Variants in ACADSB observed in about 807,000 individuals in gnomAD.
ACADSB encodes acyl-CoA dehydrogenase short/branched chain.
A neutral mutation model predicts 54.1 loss-of-function variants in ACADSB; 40 were observed. The observed-to-expected ratio is 0.74, with a 90% confidence interval of 0.57 to 0.96. ACADSB has a LOEUF of 0.96. Among genes scored for constraint, ACADSB ranks in the 40% least tolerant of loss-of-function variants. The probability of loss-of-function intolerance (pLI) is 0.00; values close to 1 mark genes in which losing one functional copy is unlikely to be tolerated. For synonymous variants in ACADSB, 182 were observed against 182.8 expected (o/e 1.00, Z 0.03); for missense variants, 530 against 510.4 (o/e 1.04, Z -0.37).
At chr10:123,030,564 T>G (rs1364450357) in intron 1 of ACADSB, among the ~76,000 whole-genome samples, 5 of 151,956 alleles carry the variant, frequency 3.3e-5, no homozygotes, top group Non-Finnish European at 1.5e-5. Flanking sequence ...AAAATTTTCT[T>G]CTTTCTCCCC....
chr10:123,027,853 T>G (rs1564748507), intron 1 of ACADSB, among the ~76,000 whole-genome samples: 1 of 152,116 alleles, frequency 6.6e-6, no homozygotes, highest in Non-Finnish European at 1.5e-5. Flanking sequence ...CTGGATCAGG[T>G]TTTGTAAGCA....
Position 123,052,995 on chromosome 10 carries a change from C to A in ACADSB, c.1129-66C>A. 2 of 1,280,506 alleles carry A rather than the reference C, an allele frequency of 1.6e-6. No homozygotes were observed. Among genetic ancestry groups the A allele is most frequent in the South Asian group, 1.2e-5 (1 of 84,026 alleles). The allele number at this position is 1,280,506 out of a possible 1,614,324, so 79.3% of individuals were successfully genotyped here. A position where few individuals can be genotyped will look rare whatever the true frequency, so the allele number is the denominator to read the frequency against. On this transcript the variant is annotated intron_variant, in intron 9 of 10. Transcript: ENST00000358776. The surrounding 1 kb of genome is among the most constrained non-coding windows in gnomAD (Gnocchi z 4.2). The stretch of plus-strand genomic sequence containing the variant: ...TAAATCCATGTTGCTGAAAATGTTA[C>A]CCAGAAGTGTTTATCATGTATAAGT...
chr10:123,038,960 G>A (rs544892130), intron 3 of ACADSB, among the ~76,000 whole-genome samples: 2 of 151,996 alleles, frequency 1.3e-5, no homozygotes, highest in Admixed American at 1.3e-4. Context: ...GATCTCCCCC[G>A]CGGTGGTCGT....
rs764548183 is a variant in ACADSB, at chr10:123,053,112, T to C, written c.1180T>C (p.Tyr394His). The change falls in exon 10 of 11, where the codon TAC (tyrosine) becomes CAC (histidine). Residue 394 changes from tyrosine to histidine, a missense_variant. Physicochemically the swap from Tyr to His is moderately conservative, Grantham distance 83. Transcript: ENST00000358776. Reference sequence around the variant, plus strand: ...TATCGAGTGGATGGGGGGAGTAGGCTACACCAAAGATTACCCTGTGGAGAA... The same window carrying C: ...TATCGAGTGGATGGGGGGAGTAGGCCACACCAAAGATTACCCTGTGGAGAA... ...KCIEWMGGVG[Y>H]TKDYPVEKYF... 1 of 1,613,986 alleles carries C rather than the reference T, an allele frequency of 6.2e-7. No individual in the cohort carries two copies. The highest frequency in any genetic ancestry group is 8.5e-7 in the Non-Finnish European group (1 of 1,180,006).
At chr10:123,033,096 C>T (rs986613744) in intron 1 of ACADSB, among the ~76,000 whole-genome samples, 1 of 152,164 alleles carries the variant, frequency 6.6e-6, no homozygotes, top group South Asian at 2.1e-4. Context: ...CTTTGTCCTC[C>T]TTTCTAGCCC....
At position 123,045,150 on chromosome 10, in the gene ACADSB, TATATATATATATATATA is replaced by T. The variant is rs1564752917; in HGVS notation, c.900+666_900+682del. On this transcript the variant is annotated intron_variant, in intron 7 of 10. Coordinates refer to ENST00000358776, the MANE Select transcript of ACADSB (RefSeq NM_001609.4). Reference sequence around the variant, plus strand: ...TAGAGTGTATATATATATATATATATATATATATATATATATATATATTTTTTTTTTTTTTTTTTTTT... The same window carrying T: ...TAGAGTGTATATATATATATATATATTATATTTTTTTTTTTTTTTTTTTTT... Among the ~76,000 whole-genome samples the T allele has an allele frequency of 4.4e-3, 53 of 12,012 alleles. 6 individuals carry two copies. Among genetic ancestry groups the T allele is most frequent in the African/African-American group, 0.012 (51 of 4,386 alleles). The allele number at this position is 12,012 out of a possible 152,430, so 7.9% of individuals were successfully genotyped here.
In ACADSB at chr10:123,040,453, G is replaced by GT. The variant is rs750998333; in HGVS notation, c.304-7dup. On this transcript the variant is annotated splice_polypyrimidine_tract_variant and intron_variant, in intron 3 of 10. Transcript: ENST00000358776. ...TAGCTTTCTTAATCTATGTTGCCTT[G>GT]TTTTTTCTTTAGTTGATGGGTATTG... 9 of 1,610,066 alleles carry GT rather than the reference G, an allele frequency of 5.6e-6. No homozygotes were observed. The South Asian group carries it at 8.8e-5, about 16-fold the overall frequency.
rs1218234826 is a variant in ACADSB, at chr10:123,043,137, C to T, written c.773C>T (p.Ser258Phe). The T allele has an allele frequency of 6.2e-7, 1 of 1,614,014 alleles. No individual in the cohort carries two copies. Among genetic ancestry groups the T allele is most frequent in the South Asian group, 1.1e-5 (1 of 91,088 alleles). ...GAAAACAAATTGGGGCTCAGAGCTT[C>T]TTCCACCTGCCCGTTAACATTCGAA... ...KPENKLGLRA[S>F]STCPLTFENV... The change falls in exon 6 of 11, where the codon TCT (serine) becomes TTT (phenylalanine). Residue 258 changes from serine to phenylalanine, a missense_variant. Physicochemically the swap from Ser to Phe is radical, Grantham distance 155. Transcript: ENST00000358776.
intron 8 of ACADSB, among the ~76,000 whole-genome samples, chr10:123,048,996 G>A (rs555888889): frequency 1.6e-4 from 25 of 152,298 alleles, no homozygotes; most frequent in Admixed American, 5.2e-4. Context: ...GATTACAGGC[G>A]TGAGCCACTG....
intron 5 of ACADSB, among the ~76,000 whole-genome samples, chr10:123,042,200 G>T (rs567086790): frequency 1.9e-3 from 285 of 151,398 alleles, no homozygotes; most frequent in Admixed American, 3.7e-3. Flanking sequence ...TCCTGACGTC[G>T]GATGATCTGC....
intron 7 of ACADSB, among the ~76,000 whole-genome samples, chr10:123,045,145 A>T (rs1564752847): frequency 1.7e-4 from 2 of 11,520 alleles, no homozygotes; most frequent in Non-Finnish European, 1.7e-4. Flanking sequence ...ATATATATAT[A>T]TATATATATA....
At chr10:123,033,934 T>A (rs1850361671) in intron 1 of ACADSB, among the ~76,000 whole-genome samples, 2 of 152,040 alleles carry the variant, frequency 1.3e-5, no homozygotes, top group African/African-American at 4.8e-5. Flanking sequence ...CCTCCCCAGC[T>A]CCCTGGGCCC....
intron 9 of ACADSB, among the ~76,000 whole-genome samples, chr10:123,051,914 C>A (rs142588459): frequency 1.7e-4 from 26 of 152,290 alleles, no homozygotes; most frequent in African/African-American, 5.8e-4. Context: ...CCTCACCCCC[C>A]ACATTGAGTC....
rs1850571898 is a variant in ACADSB, at chr10:123,047,185, G to T, written c.901-24G>T. The T allele has an allele frequency of 2.0e-6, 3 of 1,525,602 alleles. No individual in the cohort carries two copies. The East Asian group carries it at 6.7e-5, about 34-fold the overall frequency. 94.5% of individuals were successfully genotyped at this position (1,525,602 alleles called of 1,614,324 possible). ...AACTTATAACAAAATAAGAAATTCTGATCTTATTTTTTTGTTTTAACAGAT... is the reference window on the plus strand; with the variant it reads ...AACTTATAACAAAATAAGAAATTCTTATCTTATTTTTTTGTTTTAACAGAT... On this transcript the variant is annotated intron_variant, in intron 7 of 10. Transcript: ENST00000358776.
intron 1 of ACADSB, among the ~76,000 whole-genome samples, chr10:123,012,479 G>A (rs1589729797): frequency 6.6e-6 from 1 of 152,200 alleles, no homozygotes; most frequent in East Asian, 1.9e-4. Context: ...CAAGAATGAA[G>A]CCACGGACCC....
intron 2 of ACADSB, among the ~76,000 whole-genome samples, chr10:123,035,280 C>T (rs978488743): frequency 1.1e-4 from 16 of 152,062 alleles, no homozygotes; most frequent in African/African-American, 2.4e-4. Context: ...TCATACTTTA[C>T]GTGGAATTTC....
In ACADSB at chr10:123,053,993, T is replaced by C. The variant is rs1850670402; in HGVS notation, c.*228T>C. The C allele has an allele frequency of 1.7e-6, 1 of 595,464 alleles. No individual in the cohort carries two copies. The highest frequency in any genetic ancestry group is 2.0e-5 in the South Asian group (1 of 49,290). 36.9% of individuals were successfully genotyped at this position (595,464 alleles called of 1,614,324 possible). On this transcript the variant is annotated 3_prime_UTR_variant, in exon 11 of 11. Transcript: ENST00000358776. ...TTTAAACTTGGGAAATAAGCACCTG[T>C]ATTTTTTTCCAAAACTGTTTTTAAA... is the stretch of plus-strand genomic sequence containing the variant.
At chr10:123,035,115 A>G (rs1850381497) in intron 2 of ACADSB, among the ~76,000 whole-genome samples, 1 of 151,790 alleles carries the variant, frequency 6.6e-6, no homozygotes, top group Non-Finnish European at 1.5e-5. Flanking sequence ...ACGCCTGGCT[A>G]GTTTTTTTGT....
At chr10:123,016,518 C>G (rs1458885148) in intron 1 of ACADSB, among the ~76,000 whole-genome samples, 1 of 152,254 alleles carries the variant, frequency 6.6e-6, no homozygotes. Flanking sequence ...TCTTGTCTAC[C>G]TATTAAGCTA....
Sources: allele counts gnomAD v4.1 joint callset (sites outside exome capture counted in the v4.1 genomes callset), GRCh38; gene constraint gnomAD v4.1.1; non-coding constraint Gnocchi (gnomAD v3.1); transcripts MANE v1.5; gene names NCBI Gene and HGNC (gene_info 2026-07-23, HGNC 2026-07-21).